EFNA2: variants seen among roughly 807,000 people sequenced by gnomAD.
The protein encoded by EFNA2 is ephrin-A2.
A neutral mutation model predicts 19.7 loss-of-function variants in EFNA2; 18 were observed. The observed-to-expected ratio is 0.91, with a 90% CI of 0.63 to 1.35. The LOEUF (loss-of-function observed/expected upper bound fraction) is 1.35. Ranked by LOEUF, EFNA2 falls within the 40% of genes most tolerant of loss-of-function variation. The pLI is 0.00. For synonymous variants in EFNA2, 187 were observed against 137.8 expected, an observed-to-expected ratio of 1.36 and a Z score of -2.50; for missense variants, 303 against 296.0, an observed-to-expected ratio of 1.02 and a Z score of -0.17.
At chr19:1,299,733 T>TG in intron 3 of EFNA2, 91 bp from the exon 4 acceptor site, 3 of 1,460,616 alleles carry the variant, frequency 2.1e-6, no homozygotes, top group Non-Finnish European at 2.7e-6. Context: ...ATGAGCCCGT[T>TG]GGGCAGATGT....
At chr19:1,285,211 C>T (rs560042721), upstream of EFNA2, among the ~76,000 whole-genome samples, 230 of 152,340 alleles carry the variant, frequency 1.5e-3, no homozygotes, top group Non-Finnish European at 2.6e-3. The surrounding 1 kb of genome is among the most constrained non-coding windows in gnomAD (Gnocchi z 4.1). Flanking sequence ...AAGCTGTGCC[C>T]CCGGGCAGCG....
chr19:1,285,699 G>T (rs1279436464), upstream of EFNA2, among the ~76,000 whole-genome samples: 1 of 151,480 alleles, frequency 6.6e-6, no homozygotes, highest in Non-Finnish European at 1.5e-5. The surrounding 1 kb of genome is among the most constrained non-coding windows in gnomAD (Gnocchi z 4.1). Context: ...TGCCGGCGGG[G>T]GGCGCGCAGA....
At chr19:1,284,574 G>A (rs146151728), upstream of EFNA2, among the ~76,000 whole-genome samples, 365 of 152,330 alleles carry the variant, frequency 2.4e-3, 1 homozygote, top group Middle Eastern at 0.031. The surrounding 1 kb of genome is among the most constrained non-coding windows in gnomAD (Gnocchi z 5.3). Context: ...GGTGTGGCCC[G>A]CGTGGCCCGC....
chr19:1,286,932 C>T lies in EFNA2; in HGVS notation c.140+624C>T, dbSNP rs1384657174. Among the ~76,000 whole-genome samples, 2 of 152,120 alleles carry T rather than the reference C, an allele frequency of 1.3e-5. No homozygotes were observed. The highest frequency in any genetic ancestry group is 2.9e-5 in the Non-Finnish European group (2 of 68,002). On this transcript the variant is annotated intron_variant, in intron 1 of 3. Transcript: ENST00000215368. The surrounding 1 kb of genome is among the most constrained non-coding windows in gnomAD (Gnocchi z 5.6). The stretch of plus-strand genomic sequence containing the variant: ...CCCGGGAGGGGCAGTGGGATGGAGT[C>T]CTCTCTTGTCCTCTGGGCGCTGACC...
intron 1 of EFNA2, among the ~76,000 whole-genome samples, chr19:1,291,387 C>T (rs73494695): frequency 0.026 from 4,012 of 152,362 alleles, 72 homozygotes; most frequent in South Asian, 0.056. Context: ...AGGTCCCACC[C>T]AGGTCCTGAG....
Position 1,286,374 on chromosome 19 carries a change from T to G in EFNA2, c.140+66T>G. On this transcript the variant is annotated intron_variant, in intron 1 of 3. Coordinates refer to ENST00000215368, the MANE Select transcript of EFNA2 (RefSeq NM_001405.4). The surrounding 1 kb of genome is among the most constrained non-coding windows in gnomAD (Gnocchi z 5.6). ...AACGCCCCCCAAGCCGCGCCCGGCC[T>G]CGCGCCCCCGGAGCTCCGGGCGCCC... 1.2e-6 allele frequency: 1 copy of G among 853,982 alleles called. No homozygotes were observed. The highest frequency in any genetic ancestry group is 5.3e-5 in the South Asian group (1 of 18,832). The allele number at this position is 853,982 out of a possible 1,614,324, so 52.9% of individuals were successfully genotyped here. A position where few individuals can be genotyped will look rare whatever the true frequency, so the allele number is the denominator to read the frequency against.
At position 1,297,626 on chromosome 19, in the gene EFNA2, G is replaced by A. The variant is rs1425409931; in HGVS notation, c.455-925G>A. On this transcript the variant is annotated intron_variant, in intron 2 of 3. Transcript: ENST00000215368. The surrounding 1 kb of genome is among the most constrained non-coding windows in gnomAD (Gnocchi z 5.0). ...CCCACCCCTGTTCGATTGTCCACAC[G>A]TGTGCACACCCCAGCGGCCCCGGCT... Among the ~76,000 whole-genome samples the A allele has an allele frequency of 2.0e-5, 3 of 152,006 alleles. No individual in the cohort carries two copies. The highest frequency in any genetic ancestry group is 1.3e-4 in the Admixed American group (2 of 15,268).
chr19:1,289,783 C>G (rs778736072), intron 1 of EFNA2, among the ~76,000 whole-genome samples: 7 of 152,294 alleles, frequency 4.6e-5, no homozygotes, highest in Non-Finnish European at 7.3e-5. Flanking sequence ...GAGGAGCCGT[C>G]CCCCAGCAGA....
Position 1,294,959 on chromosome 19 carries a change from C to T in EFNA2, c.141-586C>T, listed in dbSNP as rs1459670864. Among the ~76,000 whole-genome samples, 2 of 152,064 alleles carry T rather than the reference C, an allele frequency of 1.3e-5. No individual in the cohort carries two copies. Among genetic ancestry groups the T allele is most frequent in the Non-Finnish European group, 2.9e-5 (2 of 67,986 alleles). ...AGGGAATTCTTGTGGAGGGACAGCTCGTGCAGAGGCCCGGAGTCAGGAACC... is the reference window on the plus strand; with the variant it reads ...AGGGAATTCTTGTGGAGGGACAGCTTGTGCAGAGGCCCGGAGTCAGGAACC... On this transcript the variant is annotated intron_variant, in intron 1 of 3. Transcript: ENST00000215368. This position sits in a 1 kb window ranked among gnomAD's most constrained non-coding sequence, Gnocchi z 5.8.
At chr19:1,293,231 C>T (rs1332294353) in intron 1 of EFNA2, among the ~76,000 whole-genome samples, 2 of 152,224 alleles carry the variant, frequency 1.3e-5, no homozygotes, top group Non-Finnish European at 2.9e-5. Context: ...TACCATCGAC[C>T]GCCTGATCAA....
In EFNA2 at chr19:1,301,261, G is replaced by A. The variant is rs1311329435; in HGVS notation, c.*1316G>A. ...TATATATTGTGTACGGCCGCCGGCC[G>A]GCGGCTCGAGGCACGCCCGGTGGTG... On this transcript the variant is annotated 3_prime_UTR_variant, in exon 4 of 4. Coordinates refer to ENST00000215368, the MANE Select transcript of EFNA2 (RefSeq NM_001405.4). Among the ~76,000 whole-genome samples, 2 of 148,474 alleles carry A rather than the reference G, an allele frequency of 1.3e-5. No homozygotes were observed. Among genetic ancestry groups the A allele is most frequent in the African/African-American group, 2.5e-5 (1 of 40,534 alleles).
intron 1 of EFNA2, among the ~76,000 whole-genome samples, chr19:1,292,035 A>C (rs1405895643): frequency 6.6e-6 from 1 of 152,220 alleles, no homozygotes; most frequent in Non-Finnish European, 1.5e-5. Flanking sequence ...TTAACCCCTT[A>C]GTGAGAATTT....
chr19:1,298,070 CACA>C (rs2081523921), intron 2 of EFNA2, among the ~76,000 whole-genome samples: 1 of 46,376 alleles, frequency 2.2e-5, no homozygotes, highest in Non-Finnish European at 3.4e-5. Flanking sequence ...AAAGCTCCAT[CACA>C]AAAAAAAAAA....
chr19:1,294,517 C>CCGGGGCT lies in EFNA2; in HGVS notation c.141-1016_141-1010dup, dbSNP rs1262047283. On this transcript the variant is annotated intron_variant, in intron 1 of 3. Transcript: ENST00000215368. This position sits in a 1 kb window ranked among gnomAD's most constrained non-coding sequence, Gnocchi z 5.8. ...AGGGAGACCAGGAGGCCGCCGGATT[C>CCGGGGCT]CGGGGCTCGGGGCTCGGGAGGTTTC... Among the ~76,000 whole-genome samples the CCGGGGCT allele has an allele frequency of 1.3e-5, 2 of 151,536 alleles. No homozygotes were observed. The highest frequency in any genetic ancestry group is 2.0e-4 in the East Asian group (1 of 5,112).
chr19:1,290,689 C>A (rs2081487280), intron 1 of EFNA2, among the ~76,000 whole-genome samples: 1 of 152,180 alleles, frequency 6.6e-6, no homozygotes, highest in South Asian at 2.1e-4. Flanking sequence ...GCCCCTCAGT[C>A]CTGTGTGTGG....
rs2081465655 is a variant in EFNA2, at chr19:1,286,474, G to A, written c.140+166G>A. 6.6e-6 allele frequency among the ~76,000 whole-genome samples: 1 copy of A among 151,208 alleles called. No homozygotes were observed. The highest frequency in any genetic ancestry group is 2.1e-4 in the South Asian group (1 of 4,826). On this transcript the variant is annotated intron_variant, in intron 1 of 3. Transcript: ENST00000215368. This position sits in a 1 kb window ranked among gnomAD's most constrained non-coding sequence, Gnocchi z 5.6. ...CCCCCCAGGGAGCTCCGGCCCCCCG[G>A]AGTTTGGGGGACTCGCCCTTTTCGC...
In EFNA2 at chr19:1,295,979, G is replaced by A; in HGVS notation, c.454+121G>A. ...GAGTGGGCGGGGCAGCGCAGTGGGC[G>A]GGGCCGCGGTGTGGGGCCAGGGGGG... On this transcript the variant is annotated intron_variant, in intron 2 of 3. Coordinates refer to ENST00000215368, the MANE Select transcript of EFNA2 (RefSeq NM_001405.4). This position sits in a 1 kb window ranked among gnomAD's most constrained non-coding sequence, Gnocchi z 5.8. The A allele has an allele frequency of 1.1e-6, 1 of 943,648 alleles. No homozygotes were observed. The highest frequency in any genetic ancestry group is 1.4e-6 in the Non-Finnish European group (1 of 694,056). 58.5% of individuals were successfully genotyped at this position (943,648 alleles called of 1,614,324 possible). A position where few individuals can be genotyped will look rare whatever the true frequency, so the allele number is the denominator to read the frequency against.
chr19:1,284,351 C>T (rs115518475), upstream of EFNA2, among the ~76,000 whole-genome samples: 258 of 152,332 alleles, frequency 1.7e-3, 2 homozygotes, highest in African/African-American at 5.8e-3. This position sits in a 1 kb window ranked among gnomAD's most constrained non-coding sequence, Gnocchi z 5.3. Context: ...CCTGGGCCTT[C>T]GACCTGGGAC....
rs963864160 is a variant in EFNA2, at chr19:1,286,196, C to T, written c.28C>T (p.Pro10Ser). Residue 10 changes from proline (P) to serine (S), a missense_variant, in exon 1 of 4, where the codon CCG (proline) becomes TCG (serine). Transcript: ENST00000215368. The surrounding 1 kb of genome is among the most constrained non-coding windows in gnomAD (Gnocchi z 5.6). ...GGCGCCCGCGCAGCGCCCGCTGCTC[C>T]CGCTGCTGCTCCTGCTGTTACCGCT... MAPAQRPLLPLLLLLLPLPP... is the reference protein window; with the variant it reads MAPAQRPLLSLLLLLLPLPP... 4 of 1,048,254 alleles carry T rather than the reference C, an allele frequency of 3.8e-6. No homozygotes were observed. The highest frequency in any genetic ancestry group is 4.6e-6 in the Non-Finnish European group (4 of 868,474). The allele number at this position is 1,048,254 out of a possible 1,614,324, so 64.9% of individuals were successfully genotyped here.
Sources: allele counts gnomAD v4.1 joint callset (sites outside exome capture counted in the v4.1 genomes callset), GRCh38; gene constraint gnomAD v4.1.1; non-coding constraint Gnocchi (gnomAD v3.1); transcripts MANE v1.5; gene names NCBI Gene and HGNC (gene_info 2026-07-23, HGNC 2026-07-21).